The following EXD2 variants were observed in gnomAD, a reference collection of about 807,000 sequenced individuals.
The protein encoded by EXD2 is exonuclease 3'-5' domain-containing protein 2.
Under a neutral mutation model 62.5 loss-of-function variants are expected in EXD2, and 40 were observed. The observed-to-expected ratio is 0.64, with a 90% CI of 0.50 to 0.83. EXD2 has a LOEUF of 0.83. Among genes scored for constraint, EXD2 ranks in the 40% least tolerant of loss-of-function variants. EXD2 has a pLI of 0.00. For missense variants in EXD2, 671 were observed against 761.8 expected, an observed-to-expected ratio of 0.88 and a Z score of 1.40; for synonymous variants, 239 against 291.9, an observed-to-expected ratio of 0.82 and a Z score of 1.85.
intron 3 of EXD2, among the ~76,000 whole-genome samples, chr14:69,218,753 A>G (rs1389154497): frequency 2.6e-5 from 4 of 152,196 alleles, no homozygotes; most frequent in African/African-American, 9.7e-5. Flanking sequence ...AGCACCATTT[A>G]TTAAATAGGG....
intron 3 of EXD2, among the ~76,000 whole-genome samples, chr14:69,217,609 A>G (rs893941238): frequency 1.3e-5 from 2 of 151,964 alleles, no homozygotes; most frequent in African/African-American, 4.8e-5. Flanking sequence ...TTACATATGT[A>G]TACTTGTGCC....
Position 69,230,493 on chromosome 14 carries a change from G to A in EXD2, c.612G>A (p.Gly204=). The change falls in exon 5 of 10, where the codon GGG becomes GGA. Residue 204 remains glycine (G), a synonymous_variant. Transcript: ENST00000685843. ...MRQRNNLLCN[G]LSLKSLAETV... ...TTAGAAACAATTTGCTCTGTAATGG[G>A]CTTAGCCTGAAGTCCCTCGCTGAGA... 6.2e-7 allele frequency: 1 copy of A among 1,612,792 alleles called. No homozygotes were observed. Among genetic ancestry groups the A allele is most frequent in the South Asian group, 1.1e-5 (1 of 90,916 alleles).
chr14:69,223,950 C>T (rs1325571005), intron 3 of EXD2, among the ~76,000 whole-genome samples: 1 of 152,110 alleles, frequency 6.6e-6, no homozygotes, highest in African/African-American at 2.4e-5. Context: ...GTGAGGCCTC[C>T]AGGAGCTTTT....
In EXD2 at chr14:69,199,644, A is replaced by G. The variant is rs182727406; in HGVS notation, c.-131-4273A>G. Among the ~76,000 whole-genome samples the G allele has an allele frequency of 3.9e-5, 6 of 152,112 alleles. No homozygotes were observed. The East Asian group carries it at 1.2e-3, about 29-fold the overall frequency. On this transcript the variant is annotated intron_variant, in intron 1 of 9. Coordinates refer to ENST00000685843, the MANE Select transcript of EXD2 (RefSeq NM_001193360.2). ...TTAAACTTTTTTGTTAAAAACTAAG[A>G]CACAAACACATACATTCATGTTAGC...
intron 2 of EXD2, 131 bp from the exon 3 acceptor site, chr14:69,209,293 A>C: frequency 2.1e-6 from 1 of 477,386 alleles, no homozygotes; most frequent in Non-Finnish European, 3.6e-6. Flanking sequence ...ACTATTTCAC[A>C]TGGAAATTTA....
Position 69,237,849 on chromosome 14 carries a change from C to A in EXD2, c.1567C>A (p.Leu523Met). Residue 523 changes from leucine to methionine, a missense_variant, in exon 9 of 10, where the codon CTG (leucine) becomes ATG (methionine). Leu to Met is a conservative substitution (Grantham distance 15). Coordinates refer to ENST00000685843, the MANE Select transcript of EXD2 (RefSeq NM_001193360.2). Reference protein sequence around the residue: ...ESLPTQRKEELLQALREFYNT... With the variant: ...ESLPTQRKEEMLQALREFYNT... ...CCTGCCTACTCAGCGAAAGGAGGAG[C>A]TGCTGCAAGCACTCAGAGAGTTTTA... is the stretch of plus-strand genomic sequence containing the variant. 1.2e-6 allele frequency: 2 copies of A among 1,612,758 alleles called. No individual in the cohort carries two copies. The highest frequency in any genetic ancestry group is 2.7e-5 in the African/African-American group (2 of 74,940).
chr14:69,221,909 TAAAAAAAA>T (rs60647735), intron 3 of EXD2, among the ~76,000 whole-genome samples: 4 of 52,034 alleles, frequency 7.7e-5, no homozygotes, highest in Non-Finnish European at 1.3e-4. Flanking sequence ...CTGTCTCTAC[TAAAAAAAA>T]AAAAAAAAAA....
chr14:69,218,883 C>T (rs2043074469), intron 3 of EXD2, among the ~76,000 whole-genome samples: 1 of 152,122 alleles, frequency 6.6e-6, no homozygotes, highest in Non-Finnish European at 1.5e-5. Flanking sequence ...GTTTTGGTAC[C>T]AGTACCATGC....
chr14:69,241,636 T>C lies in EXD2; in HGVS notation c.*536T>C, dbSNP rs1030493406. On this transcript the variant is annotated 3_prime_UTR_variant, in exon 10 of 10. Transcript: ENST00000685843. ...TCATGCTCTCCCGTAACTCATGTGG[T>C]TGGGATCCATCCCATCTGGGTCACT... 5 of 386,022 alleles carry C rather than the reference T, an allele frequency of 1.3e-5. No homozygotes were observed. The highest frequency in any genetic ancestry group is 8.3e-5 in the African/African-American group (4 of 48,394). The allele number at this position is 386,022 out of a possible 1,614,324, so 23.9% of individuals were successfully genotyped here.
intron 1 of EXD2, among the ~76,000 whole-genome samples, chr14:69,198,086 T>C (rs1024410554): frequency 1.3e-5 from 2 of 152,280 alleles, no homozygotes; most frequent in African/African-American, 2.4e-5. Flanking sequence ...TGTTGAATTC[T>C]TTCCTAGACT....
intron 2 of EXD2, among the ~76,000 whole-genome samples, chr14:69,206,135 G>T (rs2042582515): frequency 6.6e-6 from 1 of 152,024 alleles, no homozygotes; most frequent in Non-Finnish European, 1.5e-5. Flanking sequence ...TGGCCAGGCT[G>T]ATTTCAAACT....
rs576987035 is a variant in EXD2, at chr14:69,200,025, G to A, written c.-131-3892G>A. On this transcript the variant is annotated intron_variant, in intron 1 of 9. Transcript: ENST00000685843. ...ATAATTACACACATTTGTGAGTAAC[G>A]CATTGTGCAGCAACGTTAGGACGGT... Among the ~76,000 whole-genome samples, 319 of 152,296 alleles carry A rather than the reference G, an allele frequency of 2.1e-3. 5 individuals are homozygous for A. In the South Asian group the frequency reaches 0.029, roughly 14 times the overall value.
In EXD2 at chr14:69,228,985, G is replaced by C. The variant is rs1271463422; in HGVS notation, c.503G>C (p.Cys168Ser). Residue 168 changes from cysteine to serine, a missense_variant, in exon 4 of 10, where the codon TGC becomes TCC. Transcript: ENST00000685843. ...ACCATTTTGAAAGTTGGAGTGGGAT[G>C]CTCAGAAGATGCCAGCAAGCTTCTG... The part of the protein sequence containing the change: ...DGTILKVGVG[C>S]SEDASKLLQD... The C allele has an allele frequency of 3.1e-6, 5 of 1,614,096 alleles. No individual in the cohort carries two copies. In the Admixed American group the frequency reaches 8.3e-5, roughly 27 times the overall value.
intron 9 of EXD2, among the ~76,000 whole-genome samples, chr14:69,238,714 A>T (rs923892051): frequency 6.6e-6 from 1 of 150,616 alleles, no homozygotes; most frequent in East Asian, 2.0e-4. Context: ...GGCTCACTGT[A>T]ACTTCCACCT....
At chr14:69,205,606 T>A (rs767319909) in intron 2 of EXD2, among the ~76,000 whole-genome samples, 2 of 152,198 alleles carry the variant, frequency 1.3e-5, no homozygotes, top group African/African-American at 2.4e-5. Flanking sequence ...AGTATGGAAA[T>A]CTTTGTTTGA....
rs1263371160 is a variant in EXD2 at position 69,229,032 on chromosome 14, AG to A, written c.555del (p.Cys186AlafsTer7). On this transcript the variant is annotated frameshift_variant, in exon 4 of 10. Transcript: ENST00000685843. LOFTEE classifies it high-confidence loss of function. ...KLLQDYGLVV[R>X]GCLDLRYLAM... ...TCTGCAGGATTATGGCCTCGTTGTT[AG>A]GGGGTGCCTGGACCTCCGATACCTA... 2 of 1,614,218 alleles carry A rather than the reference AG, an allele frequency of 1.2e-6. No individual in the cohort carries two copies. The highest frequency in any genetic ancestry group is 1.7e-6 in the Non-Finnish European group (2 of 1,180,030).
chr14:69,197,226 A>C (rs1258700540), intron 1 of EXD2, among the ~76,000 whole-genome samples: 5 of 152,212 alleles, frequency 3.3e-5, no homozygotes, highest in Non-Finnish European at 7.3e-5. Context: ...GTCTCTAAAA[A>C]ATATATTAAA....
At chr14:69,240,638 G>A (rs3742900) in intron 9 of EXD2, among the ~76,000 whole-genome samples, 1,802 of 152,296 alleles carry the variant, frequency 0.012, 27 homozygotes, top group East Asian at 0.057. Context: ...TGAACATTAT[G>A]AAGTGGCCTT....
At chr14:69,220,336 T>C (rs2043140979) in intron 3 of EXD2, among the ~76,000 whole-genome samples, 1 of 135,926 alleles carries the variant, frequency 7.4e-6, no homozygotes, top group South Asian at 2.5e-4. Flanking sequence ...AGTGGCATGA[T>C]CTTGGCTCAC....
Sources: gnomAD v4.1 joint callset for allele counts (sites outside exome capture counted in the v4.1 genomes callset) on GRCh38, gnomAD v4.1.1 for gene constraint, MANE v1.5 for transcripts, NCBI Gene and HGNC (gene_info 2026-07-23, HGNC 2026-07-21) for gene names.